RBFOX1: variants seen among roughly 807,000 people sequenced by gnomAD.
RBFOX1 encodes RNA binding fox-1 homolog 1, also known as RNA binding protein fox-1 homolog 1.
A neutral mutation model predicts 57.7 loss-of-function variants in RBFOX1; 8 were observed. The ratio of observed to expected loss-of-function variants is 0.14; its 90% CI spans 0.08 to 0.25. RBFOX1 has a LOEUF of 0.25. Ranked by LOEUF, RBFOX1 falls within the 10% of genes least tolerant of loss-of-function variation. The probability of loss-of-function intolerance (pLI) is 1.00; values close to 1 mark genes in which losing one functional copy is unlikely to be tolerated. For synonymous variants in RBFOX1, 326 were observed against 222.4 expected (o/e 1.47, Z -4.15); for missense variants, 611 against 548.5 (o/e 1.11, Z -1.14).
At chr16:6,548,553 C>G (rs952925041) in intron 2 of RBFOX1, among the ~76,000 whole-genome samples, 13 of 152,098 alleles carry the variant, frequency 8.5e-5, no homozygotes, top group African/African-American at 2.4e-4. Flanking sequence ...AGTAAGCTCT[C>G]CAGGTAGTCA....
intron 1 of RBFOX1, among the ~76,000 whole-genome samples, chr16:5,359,978 G>A (rs76882510): frequency 8.5e-5 from 13 of 152,172 alleles, no homozygotes; most frequent in African/African-American, 2.2e-4. Flanking sequence ...GTTCCAGAGC[G>A]AAAACAATCC....
chr16:5,727,281 T>A (rs1391401648), intron 3 of RBFOX1, among the ~76,000 whole-genome samples: 1 of 151,386 alleles, frequency 6.6e-6, no homozygotes, highest in Non-Finnish European at 1.5e-5. Flanking sequence ...CAAAAAAAAA[T>A]GAAAAACAAA....
intron 3 of RBFOX1, among the ~76,000 whole-genome samples, chr16:6,827,411 T>C (rs939329051): frequency 2.0e-5 from 3 of 152,054 alleles, no homozygotes; most frequent in African/African-American, 7.2e-5. Flanking sequence ...GAAGTGCTTA[T>C]AGGGAAGGAA....
At position 7,607,228 on chromosome 16, in the gene RBFOX1, A is replaced by G. The variant is rs188646732; in HGVS notation, c.623-57A>G. 1.2e-4 allele frequency: 175 copies of G among 1,457,576 alleles called. 1 individual carries two copies. The African/African-American group carries it at 1.8e-3, about 15-fold the overall frequency. The allele number at this position is 1,457,576 out of a possible 1,614,324, so 90.3% of individuals were successfully genotyped here. A position where few individuals can be genotyped will look rare whatever the true frequency, so the allele number is the denominator to read the frequency against. On this transcript the variant is annotated intron_variant, in intron 9 of 15. Transcript: ENST00000550418. ...CCATTTGATTTGTGATTCATTTGCA[A>G]TTATATAAGATGTTGAATCAAATGT...
chr16:7,263,878 C>T (rs1214928450), intron 4 of RBFOX1, among the ~76,000 whole-genome samples: 1 of 142,886 alleles, frequency 7.0e-6, no homozygotes, highest in African/African-American at 2.6e-5. Context: ...CCAGCCTGGG[C>T]AACAAGAGCA....
intron 2 of RBFOX1, among the ~76,000 whole-genome samples, chr16:6,446,667 T>C (rs1017217999): frequency 3.3e-5 from 5 of 152,186 alleles, no homozygotes; most frequent in African/African-American, 1.2e-4. Context: ...ACATCTACTT[T>C]TTAGGATTAC....
intron 1 of RBFOX1, among the ~76,000 whole-genome samples, chr16:6,274,692 G>A (rs767933683): frequency 6.6e-6 from 1 of 152,120 alleles, no homozygotes; most frequent in African/African-American, 2.4e-5. Flanking sequence ...GAGGAACTAG[G>A]TAACTACACA....
chr16:6,511,864 A>C (rs810608), intron 2 of RBFOX1, among the ~76,000 whole-genome samples: 1 of 152,032 alleles, frequency 6.6e-6, no homozygotes, highest in Admixed American at 6.5e-5. Flanking sequence ...ATCTTGATTC[A>C]GTAGGAAACC....
chr16:7,589,025 C>T (rs893592833), intron 7 of RBFOX1, among the ~76,000 whole-genome samples: 11 of 152,226 alleles, frequency 7.2e-5, no homozygotes, highest in African/African-American at 2.7e-4. Flanking sequence ...CGTTCTCGAA[C>T]TTAAGTCTCT....
intron 4 of RBFOX1, among the ~76,000 whole-genome samples, chr16:7,496,654 T>C (rs1354948068): frequency 6.6e-6 from 1 of 151,224 alleles, no homozygotes; most frequent in African/African-American, 2.4e-5. Flanking sequence ...TTTACTTGAA[T>C]GTATTTACAT....
At chr16:7,102,023 A>G (rs570524954) in intron 4 of RBFOX1, among the ~76,000 whole-genome samples, 2 of 152,122 alleles carry the variant, frequency 1.3e-5, no homozygotes, top group South Asian at 4.1e-4. Context: ...AAATTTACAT[A>G]AGCTACCAGT....
intron 3 of RBFOX1, among the ~76,000 whole-genome samples, chr16:6,822,324 A>G (rs987759753): frequency 4.6e-5 from 7 of 152,146 alleles, no homozygotes; most frequent in East Asian, 1.9e-4. Flanking sequence ...ACATTCTTCA[A>G]TGCCTGTTGA....
intron 3 of RBFOX1, among the ~76,000 whole-genome samples, chr16:6,655,647 A>C (rs1430965009): frequency 6.6e-6 from 1 of 152,162 alleles, no homozygotes. Flanking sequence ...TTCTGCAGCA[A>C]AGCACATCCA....
intron 4 of RBFOX1, among the ~76,000 whole-genome samples, chr16:7,372,436 T>C (rs945933081): frequency 6.6e-6 from 1 of 152,164 alleles, no homozygotes; most frequent in East Asian, 1.9e-4. Flanking sequence ...TTTATTTCTT[T>C]TATTTATTTG....
rs118142056 is a variant in RBFOX1 at position 6,844,061 on chromosome 16, C to T, written c.-16+189411C>T. Among the ~76,000 whole-genome samples, 867 of 152,138 alleles carry T rather than the reference C, an allele frequency of 5.7e-3. 4 individuals carry two copies. Among genetic ancestry groups the T allele is most frequent in the Non-Finnish European group, 8.5e-3 (578 of 67,988 alleles). ...TTTCTTTCTCTCTCTCTTTCTCTGT[C>T]TCTCTCTCCCCACCCCCAAATCCCT... On this transcript the variant is annotated intron_variant, in intron 3 of 15. Coordinates refer to ENST00000550418, the MANE Select transcript of RBFOX1 (RefSeq NM_018723.4).
intron 3 of RBFOX1, among the ~76,000 whole-genome samples, chr16:5,831,453 C>A (rs1369056877): frequency 2.0e-5 from 3 of 147,214 alleles, no homozygotes; most frequent in African/African-American, 7.6e-5. Flanking sequence ...AACTGTAAGC[C>A]AATTAAACCT....
At position 7,080,053 on chromosome 16, in the gene RBFOX1, TAC is replaced by T. The variant is rs1491417463; in HGVS notation, c.27+27957_27+27958del. Among the ~76,000 whole-genome samples, 614 of 141,966 alleles carry T rather than the reference TAC, an allele frequency of 4.3e-3. 4 individuals are homozygous for T. The highest frequency in any genetic ancestry group is 0.015 in the African/African-American group (575 of 38,476). 93.1% of individuals were successfully genotyped at this position (141,966 alleles called of 152,430 possible). On this transcript the variant is annotated intron_variant, in intron 4 of 15. Transcript: ENST00000550418. Reference sequence around the variant, plus strand: ...ATATGTATATAGATGTATATATATATACATATTATATATATACATATATACAT... The same window carrying T: ...ATATGTATATAGATGTATATATATATATATTATATATATACATATATACAT...
intron 4 of RBFOX1, among the ~76,000 whole-genome samples, chr16:5,918,853 C>G (rs1002759001): frequency 4.6e-5 from 7 of 152,190 alleles, no homozygotes; most frequent in African/African-American, 1.7e-4. Flanking sequence ...CAACACTTGA[C>G]TTTTCCTGGG....
At chr16:7,011,569 A>G (rs1040271563) in intron 3 of RBFOX1, among the ~76,000 whole-genome samples, 1 of 152,178 alleles carries the variant, frequency 6.6e-6, no homozygotes, top group Non-Finnish European at 1.5e-5. Flanking sequence ...GCTGGAGTGC[A>G]GTGGCATGAT....
Sources: allele counts gnomAD v4.1 joint callset (sites outside exome capture counted in the v4.1 genomes callset), GRCh38; gene constraint gnomAD v4.1.1; transcripts MANE v1.5; gene names NCBI Gene and HGNC (gene_info 2026-07-23, HGNC 2026-07-21).